The following RPTOR variants were observed in gnomAD, a reference collection of about 807,000 sequenced individuals.
RPTOR encodes regulatory-associated protein of mTOR.
RPTOR carries 21 observed loss-of-function variants against 169.9 expected under a neutral mutation model. The observed-to-expected ratio is 0.12, with a 90% CI of 0.09 to 0.18. The LOEUF (loss-of-function observed/expected upper bound fraction) is 0.18, where lower values mean the gene tolerates loss of function less well. Among genes scored for constraint, RPTOR ranks in the 10% least tolerant of loss-of-function variants. The probability of loss-of-function intolerance (pLI) is 1.00; values close to 1 mark genes in which losing one functional copy is unlikely to be tolerated. For missense variants in RPTOR, 1,133 were observed against 1,855.9 expected (o/e 0.61, Z 7.16); for synonymous variants, 732 against 753.2 (o/e 0.97, Z 0.46).
At chr17:80,847,839 A>G (rs1429035611) in intron 11 of RPTOR, among the ~76,000 whole-genome samples, 2 of 152,228 alleles carry the variant, frequency 1.3e-5, no homozygotes. Flanking sequence ...CCACACTGAC[A>G]GACAGCACAC....
chr17:80,613,784 C>T (rs1217760274), intron 1 of RPTOR, among the ~76,000 whole-genome samples: 3 of 150,696 alleles, frequency 2.0e-5, no homozygotes, highest in Non-Finnish European at 2.9e-5. Flanking sequence ...GTGTTGGACT[C>T]GGGCTGGGCC....
At chr17:80,734,019 A>C (rs895261853) in intron 5 of RPTOR, among the ~76,000 whole-genome samples, 4 of 152,208 alleles carry the variant, frequency 2.6e-5, no homozygotes, top group African/African-American at 9.6e-5. Flanking sequence ...GACCACGATT[A>C]ACACCTCTGT....
At chr17:80,749,856 G>C (rs1348575828) in intron 5 of RPTOR, among the ~76,000 whole-genome samples, 1 of 151,322 alleles carries the variant, frequency 6.6e-6, no homozygotes, top group Non-Finnish European at 1.5e-5. Context: ...GGGACTGCAG[G>C]CATGCACCAC....
chr17:80,930,253 A>G (rs928648184), intron 24 of RPTOR, among the ~76,000 whole-genome samples: 6 of 117,802 alleles, frequency 5.1e-5, no homozygotes, highest in African/African-American at 1.9e-4. Flanking sequence ...AGCTCAGCTC[A>G]TCCCCAGCTC....
At chr17:80,810,540 C>T (rs1271114785) in intron 7 of RPTOR, among the ~76,000 whole-genome samples, 5 of 151,954 alleles carry the variant, frequency 3.3e-5, no homozygotes, top group South Asian at 2.1e-4. Context: ...ACCTTGATCA[C>T]GGTAGCTTTA....
chr17:80,815,522 T>A (rs1455280003), intron 7 of RPTOR, among the ~76,000 whole-genome samples: 1 of 152,176 alleles, frequency 6.6e-6, no homozygotes, highest in African/African-American at 2.4e-5. Flanking sequence ...TCGGCATCAG[T>A]GGGAGCAGCT....
At chr17:80,674,787 C>CAAAAAAAAAAAAAAAAAAAAAAA (rs9319608) in intron 3 of RPTOR, among the ~76,000 whole-genome samples, 2 of 89,976 alleles carry the variant, frequency 2.2e-5, no homozygotes, top group Admixed American at 1.5e-4. Context: ...GACTCTGTCT[C>CAAAAAAAAAAAAAAAAAAAAAAA]AAAAAAAAAA....
intron 6 of RPTOR, among the ~76,000 whole-genome samples, chr17:80,783,543 C>T (rs1034901780): frequency 6.6e-6 from 1 of 152,130 alleles, no homozygotes; most frequent in Non-Finnish European, 1.5e-5. Flanking sequence ...TCTTTTGAAC[C>T]CAAATGGCAG....
intron 28 of RPTOR, among the ~76,000 whole-genome samples, chr17:80,951,470 A>C (rs1299317515): frequency 6.6e-6 from 1 of 152,234 alleles, no homozygotes; most frequent in Non-Finnish European, 1.5e-5. Context: ...GGGGGAAGGC[A>C]GCAGAGGCGT....
chr17:80,841,215 C>CGCACGGCAGCTCACACTCACT (rs2067647153), intron 10 of RPTOR, among the ~76,000 whole-genome samples: 1 of 113,814 alleles, frequency 8.8e-6, no homozygotes, highest in Admixed American at 8.3e-5. Flanking sequence ...TCACTCTCAC[C>CGCACGGCAGCTCACACTCACT]GCACGGCAGC....
At position 80,878,381 on chromosome 17, in the gene RPTOR, C is replaced by G. The variant is rs1046440164; in HGVS notation, c.1510-2034C>G. Among the ~76,000 whole-genome samples the G allele has an allele frequency of 6.6e-6, 1 of 151,876 alleles. No individual in the cohort carries two copies. The highest frequency in any genetic ancestry group is 1.5e-5 in the Non-Finnish European group (1 of 67,974). ...TTTTTTTTTGAGACGTAGTCTTGCT[C>G]TGTCGCCCAGGCTGGAATGCAGTGG... is the stretch of plus-strand genomic sequence containing the variant. On this transcript the variant is annotated intron_variant, in intron 13 of 33. Coordinates refer to ENST00000306801, the MANE Select transcript of RPTOR (RefSeq NM_020761.3). This position sits in a 1 kb window ranked among gnomAD's most constrained non-coding sequence, Gnocchi z 4.1.
chr17:80,557,432 G>C (rs1180922859), intron 1 of RPTOR, among the ~76,000 whole-genome samples: 1 of 150,736 alleles, frequency 6.6e-6, no homozygotes, highest in Non-Finnish European at 1.5e-5. Context: ...TATGAGAATC[G>C]CTTGAACCCG....
chr17:80,783,048 C>T (rs766374157), intron 6 of RPTOR, among the ~76,000 whole-genome samples: 3 of 152,164 alleles, frequency 2.0e-5, no homozygotes, highest in Non-Finnish European at 2.9e-5. Context: ...GCGTTACCTC[C>T]GTGGAAGAGG....
At chr17:80,718,160 T>A (rs2066255343) in intron 4 of RPTOR, among the ~76,000 whole-genome samples, 1 of 152,246 alleles carries the variant, frequency 6.6e-6, no homozygotes, top group African/African-American at 2.4e-5. Context: ...CTAGGTAGGA[T>A]GAGCTTTGCT....
chr17:80,946,992 G>GTTTT (rs1408037588), intron 26 of RPTOR, among the ~76,000 whole-genome samples: 1 of 152,148 alleles, frequency 6.6e-6, no homozygotes, highest in African/African-American at 2.4e-5. Flanking sequence ...CTCTTTGTTT[G>GTTTT]TTTGTTTGGA....
chr17:80,884,652 C>T (rs570652595), intron 16 of RPTOR, among the ~76,000 whole-genome samples: 2 of 152,210 alleles, frequency 1.3e-5, no homozygotes, highest in South Asian at 2.1e-4. Context: ...GGAGTGCCTG[C>T]GCCCTCCCCT....
At chr17:80,644,306 G>GC (rs773738955) in intron 3 of RPTOR, among the ~76,000 whole-genome samples, 1 of 88,904 alleles carries the variant, frequency 1.1e-5, no homozygotes, top group Admixed American at 9.8e-5. Flanking sequence ...TTAGTGTGTG[G>GC]GTTTTTTTTT....
chr17:80,931,077 G>A (rs1163746912), intron 24 of RPTOR, among the ~76,000 whole-genome samples: 1 of 152,206 alleles, frequency 6.6e-6, no homozygotes, highest in African/African-American at 2.4e-5. Context: ...GGCTGCACGT[G>A]CAGAGGGTCC....
chr17:80,871,325 G>A (rs1257905530), intron 13 of RPTOR, among the ~76,000 whole-genome samples: 1 of 152,170 alleles, frequency 6.6e-6, no homozygotes, highest in Non-Finnish European at 1.5e-5. Flanking sequence ...TAGTCAGGAT[G>A]GTCTCGATCT....
Sources: allele counts gnomAD v4.1 joint callset (sites outside exome capture counted in the v4.1 genomes callset), GRCh38; gene constraint gnomAD v4.1.1; non-coding constraint Gnocchi (gnomAD v3.1); transcripts MANE v1.5; gene names NCBI Gene and HGNC (gene_info 2026-07-23, HGNC 2026-07-21).